The following SUGCT variants were observed in gnomAD, a reference collection of about 807,000 sequenced individuals.
The protein encoded by SUGCT is succinyl-CoA:glutarate CoA-transferase.
A neutral mutation model predicts 55.0 loss-of-function variants in SUGCT; 41 were observed. That is an observed-to-expected ratio of 0.74 (90% CI 0.58 to 0.97). The LOEUF (loss-of-function observed/expected upper bound fraction) is 0.97. Ranked by LOEUF, SUGCT falls within the 50% of genes least tolerant of loss-of-function variation. The probability of loss-of-function intolerance (pLI) is 0.00; values close to 1 mark genes in which losing one functional copy is unlikely to be tolerated. For missense variants in SUGCT, 568 were observed against 547.8 expected (o/e 1.04, Z -0.37); for synonymous variants, 187 against 200.4 (o/e 0.93, Z 0.56).
At chr7:40,441,592 C>T (rs1336778066) in intron 9 of SUGCT, among the ~76,000 whole-genome samples, 1 of 152,106 alleles carries the variant, frequency 6.6e-6, no homozygotes, top group African/African-American at 2.4e-5. Context: ...TAAAAAAATG[C>T]AGTCCAGAAA....
At chr7:40,547,649 A>G (rs1795063948) in intron 12 of SUGCT, among the ~76,000 whole-genome samples, 1 of 152,170 alleles carries the variant, frequency 6.6e-6, no homozygotes, top group African/African-American at 2.4e-5. Flanking sequence ...GATAATAGAG[A>G]TAAACAAAAG....
At chr7:40,938,855 C>T in the SUGCT span, among the ~76,000 whole-genome samples, 1 of 152,016 alleles carries the variant, frequency 6.6e-6, no homozygotes, top group Non-Finnish European at 1.5e-5. Context: ...TTATTTCATT[C>T]TTTTTTATGG....
intron 8 of SUGCT, among the ~76,000 whole-genome samples, chr7:40,306,211 G>T (rs1447496546): frequency 6.6e-6 from 1 of 152,100 alleles, no homozygotes; most frequent in Non-Finnish European, 1.5e-5. Flanking sequence ...TTAATAGCTT[G>T]TCTCAGTTTT....
At chr7:40,951,225 A>C in the SUGCT span, among the ~76,000 whole-genome samples, 1 of 152,162 alleles carries the variant, frequency 6.6e-6, no homozygotes, top group Admixed American at 6.5e-5. Flanking sequence ...CATTTCTTCT[A>C]GATTTTCTAG....
chr7:40,351,371 TTA>T (rs1374220835), intron 9 of SUGCT, among the ~76,000 whole-genome samples: 6 of 152,116 alleles, frequency 3.9e-5, no homozygotes, highest in Admixed American at 3.9e-4. Flanking sequence ...GGATGAATTT[TTA>T]TGATTTCACA....
chr7:40,784,452 A>G (rs1178315528), intron 13 of SUGCT, among the ~76,000 whole-genome samples: 1 of 152,110 alleles, frequency 6.6e-6, no homozygotes, highest in African/African-American at 2.4e-5. Flanking sequence ...TTAAAATTCT[A>G]CATTACTGGG....
chr7:40,511,601 A>G (rs1475802769), intron 12 of SUGCT, among the ~76,000 whole-genome samples: 1 of 152,222 alleles, frequency 6.6e-6, no homozygotes, highest in Non-Finnish European at 1.5e-5. Context: ...GTATGTGAAA[A>G]CTTCACTTTA....
At chr7:40,210,657 A>G (rs1409380690) in intron 6 of SUGCT, among the ~76,000 whole-genome samples, 1 of 152,156 alleles carries the variant, frequency 6.6e-6, no homozygotes, top group African/African-American at 2.4e-5. Context: ...TGGATAAGGA[A>G]GGGGAAGGGG....
intron 1 of SUGCT, among the ~76,000 whole-genome samples, chr7:40,163,824 ATT>A (rs774642100): frequency 4.2e-5 from 6 of 141,258 alleles, no homozygotes; most frequent in Admixed American, 7.2e-5. Flanking sequence ...TTTGAATTGA[ATT>A]TTTTTTTTTT....
In SUGCT at chr7:40,566,508, G is replaced by A. The variant is rs559176719; in HGVS notation, c.1089+70122G>A. Among the ~76,000 whole-genome samples the A allele has an allele frequency of 1.3e-4, 20 of 152,246 alleles. 2 individuals are homozygous for A. The South Asian group carries it at 3.5e-3, about 27-fold the overall frequency. ...ATCAAAATGGATTTGAATTACAGAT[G>A]TCTGATCCCTTAAAAACAGAGCTAA... On this transcript the variant is annotated intron_variant, in intron 12 of 13. Coordinates refer to ENST00000335693, the MANE Select transcript of SUGCT (RefSeq NM_001193313.2).
At chr7:40,682,551 G>C (rs879594498) in intron 12 of SUGCT, among the ~76,000 whole-genome samples, 5 of 152,200 alleles carry the variant, frequency 3.3e-5, no homozygotes, top group Non-Finnish European at 2.9e-5. Flanking sequence ...GAATTACAGA[G>C]CACTCAGTTG....
intron 12 of SUGCT, among the ~76,000 whole-genome samples, chr7:40,705,275 A>G (rs946283869): frequency 6.6e-6 from 1 of 152,212 alleles, no homozygotes; most frequent in Non-Finnish European, 1.5e-5. Flanking sequence ...TTATAGTGCA[A>G]TATCAAAACC....
At chr7:40,339,697 GT>G (rs1352490398) in intron 9 of SUGCT, among the ~76,000 whole-genome samples, 1 of 152,194 alleles carries the variant, frequency 6.6e-6, no homozygotes, top group Non-Finnish European at 1.5e-5. Context: ...CGCTTCCTGG[GT>G]GAGGTGATGC....
intron 12 of SUGCT, among the ~76,000 whole-genome samples, chr7:40,600,945 T>C (rs1798265778): frequency 6.6e-6 from 1 of 152,122 alleles, no homozygotes; most frequent in Non-Finnish European, 1.5e-5. Flanking sequence ...GTTCCAATAG[T>C]TTTTGGTCAA....
intron 12 of SUGCT, among the ~76,000 whole-genome samples, chr7:40,524,005 A>G (rs1793686345): frequency 6.6e-6 from 1 of 152,114 alleles, no homozygotes; most frequent in Admixed American, 6.6e-5. Flanking sequence ...GGGCAAATTT[A>G]TAGTTTCATA....
chr7:40,560,362 T>C (rs1795774085), intron 12 of SUGCT, among the ~76,000 whole-genome samples: 1 of 152,154 alleles, frequency 6.6e-6, no homozygotes, highest in Admixed American at 6.5e-5. Flanking sequence ...GAAAATAAAA[T>C]GTCCAATGGG....
At chr7:40,517,927 A>G (rs1793335622) in intron 12 of SUGCT, among the ~76,000 whole-genome samples, 1 of 152,116 alleles carries the variant, frequency 6.6e-6, no homozygotes, top group African/African-American at 2.4e-5. Flanking sequence ...CCAATTATAC[A>G]CCATTATCTG....
chr7:40,337,858 A>G (rs1287653638), intron 9 of SUGCT, among the ~76,000 whole-genome samples: 1 of 151,260 alleles, frequency 6.6e-6, no homozygotes, highest in East Asian at 1.9e-4. Flanking sequence ...GGTCTTTACA[A>G]TTTGGCATGT....
chr7:40,768,234 T>C (rs993398905), intron 13 of SUGCT, among the ~76,000 whole-genome samples: 4 of 152,116 alleles, frequency 2.6e-5, no homozygotes, highest in African/African-American at 9.7e-5. Context: ...GCTGCTTCAC[T>C]ACCTATTTCT....
Sources: gnomAD v4.1 joint callset for allele counts (sites outside exome capture counted in the v4.1 genomes callset) on GRCh38, gnomAD v4.1.1 for gene constraint, MANE v1.5 for transcripts, NCBI Gene and HGNC (gene_info 2026-07-23, HGNC 2026-07-21) for gene names.